ITPR2: variants seen among roughly 807,000 people sequenced by gnomAD.
ITPR2 encodes inositol 1,4,5-trisphosphate-gated calcium channel ITPR2.
A neutral mutation model predicts 317.1 loss-of-function variants in ITPR2; 207 were observed. The ratio of observed to expected loss-of-function variants is 0.65; its 90% CI spans 0.58 to 0.73. The LOEUF is 0.73. Ranked by LOEUF, ITPR2 falls within the 30% of genes least tolerant of loss-of-function variation. The pLI is 0.00. For synonymous variants in ITPR2, 1,156 were observed against 1,149.1 expected, an observed-to-expected ratio of 1.01 and a Z score of -0.12; for missense variants, 2,613 against 3,284.0, an observed-to-expected ratio of 0.80 and a Z score of 4.99.
chr12:26,560,569 G>A (rs1944788642), intron 35 of ITPR2, among the ~76,000 whole-genome samples: 2 of 152,090 alleles, frequency 1.3e-5, no homozygotes, highest in African/African-American at 4.8e-5. Context: ...CCCCAGGTCT[G>A]CTGACCCTGC....
chr12:26,601,958 A>G (rs1460421993), intron 28 of ITPR2, among the ~76,000 whole-genome samples: 1 of 152,254 alleles, frequency 6.6e-6, no homozygotes, highest in Non-Finnish European at 1.5e-5. Context: ...GATCCACATT[A>G]AAGGACATCC....
At position 26,597,033 on chromosome 12, in the gene ITPR2, C is replaced by G. The variant is rs758874147; in HGVS notation, c.4104G>C (p.Glu1368Asp). The change falls in exon 31 of 57, where the codon GAG (glutamate) becomes GAC (aspartate). Residue 1368 changes from glutamate to aspartate, a missense_variant. Around this residue, in one of 9 missense-constraint regions of ITPR2, gnomAD observed 817 missense variants for 897.6 expected, o/e 0.91. Coordinates refer to ENST00000381340, the MANE Select transcript of ITPR2 (RefSeq NM_002223.4). ...MMCSERDRGD[E>D]SGPLAYHITL... Reference sequence around the variant, plus strand: ...TGATGTGGTAGGCTAAGGGGCCACTCTCATCCCCTCGGTCTCTCTCTGAAC... The same window carrying G: ...TGATGTGGTAGGCTAAGGGGCCACTGTCATCCCCTCGGTCTCTCTCTGAAC... 2.6e-5 allele frequency: 42 copies of G among 1,613,936 alleles called. No homozygotes were observed. The highest frequency in any genetic ancestry group is 3.6e-5 in the Non-Finnish European group (42 of 1,180,006).
At chr12:26,541,128 T>G (rs1944246404) in intron 37 of ITPR2, among the ~76,000 whole-genome samples, 1 of 122,092 alleles carries the variant, frequency 8.2e-6, no homozygotes. Flanking sequence ...GTCAACATGG[T>G]GAAACCCCAT....
intron 2 of ITPR2, among the ~76,000 whole-genome samples, chr12:26,789,028 A>G (rs886173007): frequency 6.6e-6 from 1 of 152,158 alleles, no homozygotes; most frequent in Non-Finnish European, 1.5e-5. Flanking sequence ...TCCTCAGTGG[A>G]AACTATTTAC....
At chr12:26,676,061 G>A (rs976148589) in intron 13 of ITPR2, among the ~76,000 whole-genome samples, 73 of 152,340 alleles carry the variant, frequency 4.8e-4, no homozygotes, top group Non-Finnish European at 4.3e-4. Flanking sequence ...AGGAGGCTGA[G>A]GCAGGAGAAT....
intron 54 of ITPR2, among the ~76,000 whole-genome samples, chr12:26,394,452 A>G (rs946372885): frequency 6.6e-6 from 1 of 152,180 alleles, no homozygotes; most frequent in Non-Finnish European, 1.5e-5. Context: ...GCAGGAGTTC[A>G]ACAGCGTAGG....
At chr12:26,749,527 C>T (rs748621340) in intron 2 of ITPR2, among the ~76,000 whole-genome samples, 2 of 152,018 alleles carry the variant, frequency 1.3e-5, no homozygotes, top group African/African-American at 2.4e-5. Flanking sequence ...ACATTGTTTT[C>T]GAGTATTGTG....
intron 1 of ITPR2, among the ~76,000 whole-genome samples, chr12:26,798,514 G>A (rs1010802404): frequency 7.9e-5 from 12 of 152,104 alleles, no homozygotes; most frequent in Non-Finnish European, 1.6e-4. Context: ...AGCACTAAGT[G>A]GTTTTGTTCC....
intron 9 of ITPR2, among the ~76,000 whole-genome samples, chr12:26,698,807 C>T (rs987710009): frequency 6.6e-6 from 1 of 152,068 alleles, no homozygotes; most frequent in Non-Finnish European, 1.5e-5. Context: ...CTTTTAGAAT[C>T]CAAGAGTGAA....
At chr12:26,605,929 A>T (rs117593467) in intron 26 of ITPR2, among the ~76,000 whole-genome samples, 2,553 of 152,360 alleles carry the variant, frequency 0.017, 40 homozygotes, top group Non-Finnish European at 0.027. Context: ...TATGTAAACT[A>T]TATAACTACA....
At chr12:26,747,106 C>T (rs1211991398) in intron 2 of ITPR2, among the ~76,000 whole-genome samples, 1 of 152,144 alleles carries the variant, frequency 6.6e-6, no homozygotes, top group African/African-American at 2.4e-5. Context: ...TAGTCAAAGC[C>T]TCTATTCTTT....
intron 8 of ITPR2, 114 bp from the exon 9 acceptor site, chr12:26,711,382 TA>T: frequency 1.4e-6 from 1 of 723,486 alleles, no homozygotes; most frequent in African/African-American, 1.8e-5. Context: ...AAACCTAATA[TA>T]TGTTTCCATG....
At chr12:26,666,162 A>ATAGATAGATAGATAGATAGATT (rs34107444) in intron 13 of ITPR2, 111 bp from the exon 14 acceptor site, 109 of 400,542 alleles carry the variant, frequency 2.7e-4, no homozygotes, top group African/African-American at 1.8e-3. Flanking sequence ...AGATAGATAG[A>ATAGATAGATAGATAGATAGATT]TTTTTTTTTA....
intron 35 of ITPR2, among the ~76,000 whole-genome samples, 185 bp from the exon 36 acceptor site, chr12:26,556,560 T>TGTGTGTGTG (rs1555155115): frequency 1.1e-4 from 7 of 65,032 alleles, no homozygotes; most frequent in African/African-American, 3.4e-4. Flanking sequence ...GTCTCTATTT[T>TGTGTGTGTG]TTTTTTTGTG....
chr12:26,615,419 C>T (rs1265611826), intron 26 of ITPR2, among the ~76,000 whole-genome samples: 2 of 152,018 alleles, frequency 1.3e-5, no homozygotes, highest in African/African-American at 4.8e-5. Flanking sequence ...GCAAAGAAGA[C>T]AGACTTGAAG....
intron 1 of ITPR2, among the ~76,000 whole-genome samples, chr12:26,807,224 T>C (rs993539307): frequency 6.6e-6 from 1 of 151,954 alleles, no homozygotes; most frequent in Non-Finnish European, 1.5e-5. Flanking sequence ...ATATATTCAT[T>C]GTTCGAAAAT....
At chr12:26,663,333 T>G (rs1433799372) in intron 15 of ITPR2, among the ~76,000 whole-genome samples, 1 of 152,180 alleles carries the variant, frequency 6.6e-6, no homozygotes, top group Non-Finnish European at 1.5e-5. Flanking sequence ...CTATAACCTC[T>G]TTGGTCCATA....
chr12:26,532,682 A>C (rs906986959), intron 37 of ITPR2, among the ~76,000 whole-genome samples: 2 of 152,124 alleles, frequency 1.3e-5, no homozygotes, highest in African/African-American at 2.4e-5. Context: ...ATGATATTCC[A>C]AAATAATTCT....
At chr12:26,702,100 C>G (rs1197798460) in intron 9 of ITPR2, among the ~76,000 whole-genome samples, 2 of 152,268 alleles carry the variant, frequency 1.3e-5, no homozygotes, top group East Asian at 3.9e-4. Context: ...CCCTCACAGA[C>G]ATAGTTGTGA....
Sources: allele counts gnomAD v4.1 joint callset (sites outside exome capture counted in the v4.1 genomes callset), GRCh38; gene constraint gnomAD v4.1.1; regional missense constraint gnomAD v4.1.1; transcripts MANE v1.5; gene names NCBI Gene and HGNC (gene_info 2026-07-23, HGNC 2026-07-21).